CREBBP: variants seen among roughly 807,000 people sequenced by gnomAD.
The protein encoded by CREBBP is CREB-binding protein.
In CREBBP, 19 loss-of-function variants were observed where a neutral mutation model predicts 265.0. That is an observed-to-expected ratio of 0.07 (90% CI 0.05 to 0.11). The LOEUF is 0.11. Among genes scored for constraint, CREBBP ranks in the 10% least tolerant of loss-of-function variants. The pLI is 1.00. For synonymous variants in CREBBP, 1,457 were observed against 1,223.7 expected (o/e 1.19, Z -3.98); for missense variants, 2,525 against 3,219.0 (o/e 0.78, Z 5.22).
intron 19 of CREBBP, among the ~76,000 whole-genome samples, 191 bp from the exon 20 acceptor site, chr16:3,751,997 G>C (rs1051419772): frequency 6.6e-6 from 1 of 152,080 alleles, no homozygotes; most frequent in Non-Finnish European, 1.5e-5. Context: ...TAGAGAACAG[G>C]GAAGGGAACA....
At chr16:3,849,440 T>TGTGTGTGTGTGTGTGTGTG (rs2054762355) in intron 2 of CREBBP, among the ~76,000 whole-genome samples, 3 of 14,866 alleles carry the variant, frequency 2.0e-4, no homozygotes, top group East Asian at 6.8e-3. Context: ...TGTGTGTGTG[T>TGTGTGTGTGTGTGTGTGTG]GTGTGTGTGT....
rs947001316 is a variant in CREBBP, at chr16:3,781,253, G to C, written c.1627C>G (p.Pro543Ala). ...AGGITTDQQP[P>A]NLISESALPT... ...AGAGCTGATTCTGAAATCAAGTTTG[G>C]GGGCTGCTGATCTGTTGTTATTCCT... The change falls in exon 7 of 31, where the codon CCA (proline) becomes GCA (alanine). Residue 543 changes from proline (P) to alanine (A), a missense_variant. Pro to Ala is a conservative substitution (Grantham distance 27, BLOSUM62 -1). Transcript: ENST00000262367. 15 of 1,613,906 alleles carry C rather than the reference G, an allele frequency of 9.3e-6. No individual in the cohort carries two copies. The highest frequency in any genetic ancestry group is 1.3e-5 in the Non-Finnish European group (15 of 1,179,966).
chr16:3,761,651 G>A lies in CREBBP; in HGVS notation c.3251-2679C>T, dbSNP rs189896539. 1.0e-3 allele frequency: 513 copies of A among 504,194 alleles called. 4 individuals carry two copies. The highest frequency in any genetic ancestry group is 8.1e-3 in the Admixed American group (394 of 48,570). The allele number at this position is 504,194 out of a possible 1,614,324, so 31.2% of individuals were successfully genotyped here. ...GACCTCTGACAGCAGCCTGAGGTCCGGGCAACCAGGTAAAAACCCCGACGC... is the reference window on the plus strand; with the variant it reads ...GACCTCTGACAGCAGCCTGAGGTCCAGGCAACCAGGTAAAAACCCCGACGC... On this transcript the variant is annotated intron_variant, in intron 16 of 30. Coordinates refer to ENST00000262367, the MANE Select transcript of CREBBP (RefSeq NM_004380.3).
intron 3 of CREBBP, among the ~76,000 whole-genome samples, chr16:3,802,114 A>ATTTTTTTTTTTTTTTTTTTTTTTTTTT (rs71133657): frequency 2.0e-5 from 1 of 50,582 alleles, no homozygotes; most frequent in Non-Finnish European, 3.2e-5. Context: ...GTATTCCTTA[A>ATTTTTTTTTTTTTTTTTTTTTTTTTTT]TTTTTTTTTT....
Position 3,758,805 on chromosome 16 carries a change from C to A in CREBBP, c.3369+49G>T, listed in dbSNP as rs747620053. On this transcript the variant is annotated intron_variant, in intron 17 of 30. Transcript: ENST00000262367. ...TTCAAGAGATAAAACAATGGACACTCAGAAGTCACACCAGCAAAGTTATAA... is the reference window on the plus strand; with the variant it reads ...TTCAAGAGATAAAACAATGGACACTAAGAAGTCACACCAGCAAAGTTATAA... The A allele has an allele frequency of 1.4e-5, 19 of 1,357,564 alleles. No homozygotes were observed. In the African/African-American group the frequency reaches 1.9e-4, roughly 13 times the overall value. The allele number at this position is 1,357,564 out of a possible 1,614,324, so 84.1% of individuals were successfully genotyped here. A position where few individuals can be genotyped will look rare whatever the true frequency, so the allele number is the denominator to read the frequency against.
chr16:3,872,665 C>T lies in CREBBP; in HGVS notation c.85+7167G>A, dbSNP rs373038575. Among the ~76,000 whole-genome samples, 13 of 152,338 alleles carry T rather than the reference C, an allele frequency of 8.5e-5. No homozygotes were observed. The South Asian group carries it at 1.5e-3, about 17-fold the overall frequency. On this transcript the variant is annotated intron_variant, in intron 1 of 30. Coordinates refer to ENST00000262367, the MANE Select transcript of CREBBP (RefSeq NM_004380.3). ...CTGAGCGCATGTGCTAAAAAGCAGA[C>T]GGCACGGCCAGGAGCTTCAGAGCCT...
chr16:3,751,985 A>G, intron 19 of CREBBP, 179 bp from the exon 20 acceptor site: 3 of 680,262 alleles, frequency 4.4e-6, no homozygotes, highest in Non-Finnish European at 8.1e-6. Flanking sequence ...GAAAGGCAGG[A>G]TTAGAGAACA....
intron 3 of CREBBP, among the ~76,000 whole-genome samples, chr16:3,799,859 C>T (rs1302437450): frequency 6.6e-6 from 1 of 152,100 alleles, no homozygotes; most frequent in Non-Finnish European, 1.5e-5. Flanking sequence ...GAATTACTAA[C>T]AACAATAAGG....
chr16:3,733,237 C>G (rs1596796327), intron 28 of CREBBP, among the ~76,000 whole-genome samples: 2 of 151,762 alleles, frequency 1.3e-5, no homozygotes, highest in African/African-American at 4.8e-5. Flanking sequence ...TGGCGGGTGC[C>G]TGCAGTCCCA....
chr16:3,811,311 T>C (rs775986769), intron 2 of CREBBP, among the ~76,000 whole-genome samples: 1 of 152,062 alleles, frequency 6.6e-6, no homozygotes, highest in Non-Finnish European at 1.5e-5. Flanking sequence ...GGTCTACATA[T>C]ATGGAAATAT....
chr16:3,751,681 G>A, intron 20 of CREBBP, 45 bp downstream of exon 20: 4 of 1,574,190 alleles, frequency 2.5e-6, no homozygotes, highest in African/African-American at 1.3e-5. Context: ...AACAATTTAA[G>A]GTCACCCTCC....
intron 2 of CREBBP, among the ~76,000 whole-genome samples, chr16:3,823,964 AC>A (rs1438906955): frequency 1.4e-5 from 2 of 138,004 alleles, no homozygotes; most frequent in South Asian, 2.3e-4. Flanking sequence ...GGCAACACAC[AC>A]ACACACACAC....
In CREBBP at chr16:3,802,114, ATTTTTTTTTTTTTTTTTTT is replaced by A. The variant is rs71133657; in HGVS notation, c.975+8470_975+8488del. On this transcript the variant is annotated intron_variant, in intron 3 of 30. Transcript: ENST00000262367. ...TTTATATTTACTCTGGTATTCCTTA[ATTTTTTTTTTTTTTTTTTT>A]TTTTTTTTTTTTTTTTGTGACAGAG... is the stretch of plus-strand genomic sequence containing the variant. Among the ~76,000 whole-genome samples, 9 of 50,582 alleles carry A rather than the reference ATTTTTTTTTTTTTTTTTTT, an allele frequency of 1.8e-4. 1 individual carries two copies. Among genetic ancestry groups the A allele is most frequent in the Admixed American group, 3.7e-4 (1 of 2,706 alleles). 33.2% of individuals were successfully genotyped at this position (50,582 alleles called of 152,430 possible).
At chr16:3,769,499 G>GTT in intron 14 of CREBBP, 146 bp from the exon 15 acceptor site, 2 of 974,218 alleles carry the variant, frequency 2.1e-6, no homozygotes, top group Non-Finnish European at 3.1e-6. Context: ...GAAGAACAGG[G>GTT]GTTAAAGTAG....
chr16:3,828,133 C>T (rs961999488), intron 2 of CREBBP, among the ~76,000 whole-genome samples: 1 of 151,970 alleles, frequency 6.6e-6, no homozygotes, highest in African/African-American at 2.4e-5. Flanking sequence ...CGCTCTGTCA[C>T]CCAGGCTAGA....
chr16:3,793,034 CCCAAAAGAAAA>C, intron 4 of CREBBP, among the ~76,000 whole-genome samples: 1 of 152,218 alleles, frequency 6.6e-6, no homozygotes, highest in East Asian at 1.9e-4. Context: ...TGTTCATTGC[CCCAAAAGAAAA>C]CCACAATCTA....
intron 3 of CREBBP, among the ~76,000 whole-genome samples, chr16:3,799,161 T>C (rs988739958): frequency 2.0e-5 from 3 of 151,980 alleles, no homozygotes; most frequent in African/African-American, 4.8e-5. Flanking sequence ...TGGCTGGAGA[T>C]GGGGGTTCAG....
In CREBBP at chr16:3,731,475, T is replaced by C. The variant is rs2151317720; in HGVS notation, c.4891-2A>G. Reference sequence around the variant, plus strand: ...GTGCAGGTGGATCACGAAGAAGACCTGCAGGAGAGGAGGGGCTTTAGTCCC... The same window carrying C: ...GTGCAGGTGGATCACGAAGAAGACCCGCAGGAGAGGAGGGGCTTTAGTCCC... On this transcript the variant is annotated splice_acceptor_variant, in intron 29 of 30. Coordinates refer to ENST00000262367, the MANE Select transcript of CREBBP (RefSeq NM_004380.3). LOFTEE classifies it high-confidence loss of function. The surrounding 1 kb of genome is among the most constrained non-coding windows in gnomAD (Gnocchi z 7.7). The C allele has an allele frequency of 6.3e-7, 1 of 1,581,698 alleles. No homozygotes were observed. The highest frequency in any genetic ancestry group is 8.6e-7 in the Non-Finnish European group (1 of 1,165,822).
chr16:3,730,935 A>C (rs2051897015), intron 30 of CREBBP, among the ~76,000 whole-genome samples: 1 of 152,256 alleles, frequency 6.6e-6, no homozygotes, highest in South Asian at 2.1e-4. Context: ...AGAACTGGGC[A>C]CAGACAGGCC....
Sources: gnomAD v4.1 joint callset for allele counts (sites outside exome capture counted in the v4.1 genomes callset) on GRCh38, gnomAD v4.1.1 for gene constraint, Gnocchi (gnomAD v3.1) non-coding constraint, MANE v1.5 for transcripts, NCBI Gene and HGNC (gene_info 2026-07-23, HGNC 2026-07-21) for gene names.